The following GLB1 variants were observed in gnomAD, a reference collection of about 807,000 sequenced individuals.
GLB1 encodes galactosidase beta 1.
In GLB1, 56 loss-of-function variants were observed where a neutral mutation model predicts 74.0. The ratio of observed to expected loss-of-function variants is 0.76; its 90% CI spans 0.61 to 0.94. The LOEUF is 0.94. Among genes scored for constraint, GLB1 ranks in the 40% least tolerant of loss-of-function variants. GLB1 has a pLI of 0.00. For missense variants in GLB1, 787 were observed against 845.5 expected (o/e 0.93, Z 0.86); for synonymous variants, 323 against 323.6 (o/e 1.00, Z 0.02).
At chr3:32,977,208 A>AT in the GLB1 span, among the ~76,000 whole-genome samples, 66,779 of 140,140 alleles carry the variant, frequency 0.48, 17,461 homozygotes, top group East Asian at 0.88. Flanking sequence ...CCTCATCTAG[A>AT]TTTTTTTTTT....
intron 15 of GLB1, among the ~76,000 whole-genome samples, chr3:33,008,772 G>A (rs1225253310): frequency 6.6e-6 from 1 of 151,888 alleles, no homozygotes; most frequent in African/African-American, 2.4e-5. Context: ...AATGAAGGAG[G>A]CAGAGTAGAA....
At chr3:32,995,285 T>C (rs918368223), downstream of GLB1, among the ~76,000 whole-genome samples, 1 of 152,118 alleles carries the variant, frequency 6.6e-6, no homozygotes, top group Non-Finnish European at 1.5e-5. Context: ...AATGTACATA[T>C]GCTTTAAAAG....
intron 10 of GLB1, chr3:33,030,157 G>C (rs2125488854): frequency 6.6e-6 from 1 of 152,256 alleles, no homozygotes; most frequent in South Asian, 2.1e-4. Context: ...TTCATTCATG[G>C]AATTGTATAT....
intron 5 of GLB1, among the ~76,000 whole-genome samples, chr3:33,059,448 C>T (rs1260069914): frequency 6.6e-6 from 1 of 152,160 alleles, no homozygotes; most frequent in Non-Finnish European, 1.5e-5. Flanking sequence ...AAATGAACTT[C>T]AGCTCTACCC....
At chr3:33,068,177 G>A (rs116227659) in intron 4 of GLB1, 53 bp downstream of exon 4, 41 of 1,612,134 alleles carry the variant, frequency 2.5e-5, no homozygotes, top group South Asian at 7.7e-5. Context: ...GTGAGCCACC[G>A]CACCTAGGCT....
the GLB1 span, among the ~76,000 whole-genome samples, chr3:32,962,254 ATGTCATTAGTTC>A: frequency 1.2e-4 from 18 of 152,196 alleles, no homozygotes; most frequent in South Asian, 3.3e-3. Context: ...AGACAACTAC[ATGTCATTAGTTC>A]TGGATCAGAA....
chr3:33,010,143 T>C (rs1696963471), intron 15 of GLB1, among the ~76,000 whole-genome samples: 1 of 152,232 alleles, frequency 6.6e-6, no homozygotes, highest in Non-Finnish European at 1.5e-5. Context: ...TGGTAATCTA[T>C]GTTTAGCCCT....
chr3:33,080,006 A>C (rs1700266892), intron 1 of GLB1, among the ~76,000 whole-genome samples: 1 of 151,996 alleles, frequency 6.6e-6, no homozygotes, highest in South Asian at 2.1e-4. Flanking sequence ...CTGGTCTCCA[A>C]CTGCTGGCCT....
At chr3:33,059,753 T>C (rs755974378) in intron 5 of GLB1, among the ~76,000 whole-genome samples, 1 of 152,354 alleles carries the variant, frequency 6.6e-6, no homozygotes. Context: ...GTTCACACCA[T>C]AGTGATTCAT....
chr3:32,961,718 G>T, the GLB1 span, among the ~76,000 whole-genome samples: 1 of 152,168 alleles, frequency 6.6e-6, no homozygotes, highest in South Asian at 2.1e-4. Flanking sequence ...GAATACTAGA[G>T]AAATATAGGA....
the GLB1 span, among the ~76,000 whole-genome samples, chr3:32,984,192 A>G: frequency 6.6e-6 from 1 of 152,020 alleles, no homozygotes; most frequent in African/African-American, 2.4e-5. Context: ...TCTGCTTACA[A>G]CCTATCAGGG....
At chr3:33,075,564 T>C (rs1700074336) in intron 1 of GLB1, among the ~76,000 whole-genome samples, 1 of 152,138 alleles carries the variant, frequency 6.6e-6, no homozygotes. Flanking sequence ...CATATGGAGC[T>C]TCCATCTAGC....
At chr3:33,094,693 G>C (rs929399694) in intron 1 of GLB1, among the ~76,000 whole-genome samples, 1 of 151,938 alleles carries the variant, frequency 6.6e-6, no homozygotes, top group Non-Finnish European at 1.5e-5. Context: ...AGGGGGTGGA[G>C]TCTTCCAGAG....
At chr3:33,041,177 A>C (rs1057029844) in intron 10 of GLB1, among the ~76,000 whole-genome samples, 2 of 152,236 alleles carry the variant, frequency 1.3e-5, no homozygotes, top group African/African-American at 2.4e-5. Flanking sequence ...ATAAACGAAA[A>C]GAAAGTCACA....
chr3:33,004,609 G>A (rs1696711025), intron 15 of GLB1, among the ~76,000 whole-genome samples: 1 of 152,188 alleles, frequency 6.6e-6, no homozygotes, highest in Non-Finnish European at 1.5e-5. Flanking sequence ...CCTTTCTCAG[G>A]ATTGCTGAGA....
chr3:33,037,314 G>C (rs1387318731), intron 10 of GLB1, among the ~76,000 whole-genome samples: 1 of 151,958 alleles, frequency 6.6e-6, no homozygotes, highest in Non-Finnish European at 1.5e-5. Context: ...CCAAAGTGCT[G>C]GGATTACAGG....
chr3:33,018,599 T>G (rs1164989648), intron 12 of GLB1, 38 bp from the exon 13 acceptor site: 1 of 1,605,052 alleles, frequency 6.2e-7, no homozygotes, highest in South Asian at 1.1e-5. Flanking sequence ...ACATCACTAT[T>G]GCCATTCATT....
intron 12 of GLB1, among the ~76,000 whole-genome samples, chr3:33,020,834 T>C (rs1459510397): frequency 1.3e-5 from 2 of 152,166 alleles, no homozygotes; most frequent in South Asian, 4.1e-4. Flanking sequence ...AAAAGATGTA[T>C]GCTGTGGAGT....
chr3:33,083,565 A>C (rs916755834), intron 1 of GLB1, among the ~76,000 whole-genome samples: 2 of 152,206 alleles, frequency 1.3e-5, no homozygotes, highest in Non-Finnish European at 2.9e-5. Flanking sequence ...GGAATGCAAT[A>C]CTGAAGAGAC....
Sources: allele counts gnomAD v4.1 joint callset (sites outside exome capture counted in the v4.1 genomes callset), GRCh38; gene constraint gnomAD v4.1.1; transcripts MANE v1.5; gene names NCBI Gene and HGNC (gene_info 2026-07-23, HGNC 2026-07-21).